The following ABCC1 variants were observed in gnomAD, a reference collection of about 807,000 sequenced individuals.
The protein encoded by ABCC1 is ATP binding cassette subfamily C member 1 (ABCC1 blood group).
A neutral mutation model predicts 172.9 loss-of-function variants in ABCC1; 83 were observed. That is an observed-to-expected ratio of 0.48 (90% confidence interval 0.40 to 0.58). The LOEUF is 0.58. Among genes scored for constraint, ABCC1 ranks in the 20% least tolerant of loss-of-function variants. The pLI is 0.00. For missense variants in ABCC1, 1,817 were observed against 2,002.7 expected (o/e 0.91, Z 1.77); for synonymous variants, 937 against 825.2 (o/e 1.14, Z -2.32).
chr16:16,059,934 C>T (rs759652839), intron 12 of ABCC1, among the ~76,000 whole-genome samples: 7 of 151,528 alleles, frequency 4.6e-5, no homozygotes, highest in East Asian at 1.9e-4. Context: ...AGGCGGAGAT[C>T]GCAGCGAGCT....
intron 17 of ABCC1, among the ~76,000 whole-genome samples, chr16:16,085,726 G>A (rs1387364707): frequency 6.6e-6 from 1 of 152,240 alleles, no homozygotes; most frequent in Non-Finnish European, 1.5e-5. Flanking sequence ...ATTACAGTGA[G>A]CTGAGATTGT....
At chr16:16,024,278 C>T (rs895006601) in intron 5 of ABCC1, among the ~76,000 whole-genome samples, 4 of 79,696 alleles carry the variant, frequency 5.0e-5, no homozygotes, top group Non-Finnish European at 8.3e-5. Flanking sequence ...AGGATGTAAG[C>T]GAAAAGAGAG....
intron 22 of ABCC1, among the ~76,000 whole-genome samples, chr16:16,113,170 C>T (rs185282159): frequency 6.6e-6 from 1 of 152,272 alleles, no homozygotes; most frequent in African/African-American, 2.4e-5. Context: ...TTGAGTCTCT[C>T]AATCCCTCCC....
chr16:15,970,448 T>C (rs1180205159), intron 1 of ABCC1, among the ~76,000 whole-genome samples: 1 of 152,180 alleles, frequency 6.6e-6, no homozygotes, highest in African/African-American at 2.4e-5. Context: ...CAGCTGAAGA[T>C]GTTACTCAGG....
At chr16:16,130,806 T>C (rs1267972821) in intron 26 of ABCC1, among the ~76,000 whole-genome samples, 4 of 152,178 alleles carry the variant, frequency 2.6e-5, no homozygotes, top group African/African-American at 9.7e-5. Context: ...TTTTTAAAAG[T>C]TTACCTATCA....
chr16:16,069,142 T>TAA (rs111252818), intron 13 of ABCC1, among the ~76,000 whole-genome samples: 5 of 126,716 alleles, frequency 3.9e-5, no homozygotes, highest in East Asian at 2.2e-4. Flanking sequence ...ACCCTGTATG[T>TAA]AAAAAAAAAT....
chr16:16,138,301 T>C, intron 29 of ABCC1, 63 bp from the exon 30 acceptor site: 5 of 1,487,032 alleles, frequency 3.4e-6, no homozygotes, highest in Non-Finnish European at 4.5e-6. Flanking sequence ...AGCCTGGGCC[T>C]AGGTTCAGGG....
At chr16:16,027,892 A>G (rs2048430251) in intron 5 of ABCC1, among the ~76,000 whole-genome samples, 1 of 152,100 alleles carries the variant, frequency 6.6e-6, no homozygotes, top group Admixed American at 6.5e-5. Flanking sequence ...TATTACTACT[A>G]CTACTACTCA....
chr16:16,032,191 A>AT (rs2048583427), intron 5 of ABCC1, among the ~76,000 whole-genome samples: 1 of 152,090 alleles, frequency 6.6e-6, no homozygotes, highest in African/African-American at 2.4e-5. Context: ...GGGTTTCACC[A>AT]TGTTGGCTAG....
intron 14 of ABCC1, among the ~76,000 whole-genome samples, chr16:16,075,607 G>A (rs1249437584): frequency 6.6e-6 from 1 of 152,198 alleles, no homozygotes; most frequent in African/African-American, 2.4e-5. Flanking sequence ...CTCCAGCCTG[G>A]GTGCAGAAGC....
rs768651283 is a variant in ABCC1 at position 16,134,393 on chromosome 16, C to A, written c.4010C>A (p.Thr1337Asn). 1.2e-6 allele frequency: 2 copies of A among 1,614,110 alleles called. No individual in the cohort carries two copies. The highest frequency in any genetic ancestry group is 1.7e-6 in the Non-Finnish European group (2 of 1,180,032). Residue 1337 changes from threonine to asparagine, a missense_variant, in exon 28 of 31, where the codon ACC becomes AAC. By Grantham distance (65) the Thr-to-Asn change is moderately conservative. Transcript: ENST00000399410. ...GRTGAGKSSLTLGLFRINESA... is the reference protein window; with the variant it reads ...GRTGAGKSSLNLGLFRINESA... Reference sequence around the variant, plus strand: ...ACGGGAGCTGGGAAGTCGTCCCTGACCCTGGGCTTATTTCGGATCAACGAG... The same window carrying A: ...ACGGGAGCTGGGAAGTCGTCCCTGAACCTGGGCTTATTTCGGATCAACGAG...
intron 22 of ABCC1, among the ~76,000 whole-genome samples, chr16:16,114,142 T>G (rs570212345): frequency 1.3e-4 from 20 of 152,332 alleles, no homozygotes; most frequent in African/African-American, 4.1e-4. Context: ...ATCCCAGTTC[T>G]GCTTCTGCTA....
chr16:15,975,410 C>G (rs1308759944), intron 1 of ABCC1, among the ~76,000 whole-genome samples: 3 of 152,060 alleles, frequency 2.0e-5, no homozygotes, highest in African/African-American at 7.2e-5. Flanking sequence ...GGAGTTATTT[C>G]CTTTAGACTC....
At chr16:16,010,050 TTTTTTTTTTTA>T in intron 3 of ABCC1, 149 bp downstream of exon 3, 7 of 647,288 alleles carry the variant, frequency 1.1e-5, no homozygotes, top group Non-Finnish European at 1.3e-5. Context: ...TTTTTTTTTT[TTTTTTTTTTTA>T]AAGACATGAG....
chr16:16,139,913 T>G lies in ABCC1; in HGVS notation c.4488-1260T>G, dbSNP rs958138726. On this transcript the variant is annotated intron_variant, in intron 30 of 30. Transcript: ENST00000399410. ...CCTTGTTCTTAAGGGCCGGGGTAGT[T>G]TCAGCTTTGTGGGCCACATGGCCTC... 2.0e-5 allele frequency among the ~76,000 whole-genome samples: 3 copies of G among 152,296 alleles called. No individual in the cohort carries two copies. In the East Asian group the frequency reaches 5.8e-4, roughly 29 times the overall value.
intron 23 of ABCC1, among the ~76,000 whole-genome samples, chr16:16,119,373 G>A (rs757691633): frequency 2.2e-4 from 33 of 152,154 alleles, no homozygotes; most frequent in Non-Finnish European, 2.4e-4. Flanking sequence ...CCTCGGAGGC[G>A]GAGGTTGCAG....
intron 20 of ABCC1, among the ~76,000 whole-genome samples, chr16:16,104,581 A>G (rs72777621): frequency 0.024 from 3,701 of 152,320 alleles, 62 homozygotes; most frequent in Non-Finnish European, 0.035. Context: ...AGTCAGCACC[A>G]GACTCAGGAG....
At chr16:15,951,287 G>C (rs936268701) in intron 1 of ABCC1, among the ~76,000 whole-genome samples, 1 of 152,170 alleles carries the variant, frequency 6.6e-6, no homozygotes, top group African/African-American at 2.4e-5. Context: ...GTATCAGGAC[G>C]TATTTTATTG....
intron 17 of ABCC1, among the ~76,000 whole-genome samples, chr16:16,085,404 C>T (rs1379972966): frequency 6.6e-6 from 1 of 152,228 alleles, no homozygotes; most frequent in Non-Finnish European, 1.5e-5. Context: ...TTTTTAGTTA[C>T]AAGCCAGGGG....
Sources: gnomAD v4.1 joint callset for allele counts (sites outside exome capture counted in the v4.1 genomes callset) on GRCh38, gnomAD v4.1.1 for gene constraint, MANE v1.5 for transcripts, NCBI Gene and HGNC (gene_info 2026-07-23, HGNC 2026-07-21) for gene names.